VPS35L: variants seen among roughly 807,000 people sequenced by gnomAD.
The protein encoded by VPS35L is VPS35 endosomal protein-sorting factor-like.
In VPS35L, 83 loss-of-function variants were observed where a neutral mutation model predicts 133.0. The observed-to-expected ratio is 0.62, with a 90% CI of 0.52 to 0.75. The LOEUF is 0.75. Among genes scored for constraint, VPS35L ranks in the 30% least tolerant of loss-of-function variants. The pLI, the probability that VPS35L is intolerant of heterozygous loss-of-function variation, is 0.00. For missense variants in VPS35L, 1,083 were observed against 1,206.8 expected (o/e 0.90, Z 1.52); for synonymous variants, 423 against 449.9 (o/e 0.94, Z 0.76).
chr16:19,625,392 C>T lies in VPS35L; in HGVS notation c.1225-785C>T, dbSNP rs139329239. Reference sequence around the variant, plus strand: ...TGTTTGTTGCTGATATTACTAAGTGCACCTTGGGCACCTCTTAAAATGGGG... The same window carrying T: ...TGTTTGTTGCTGATATTACTAAGTGTACCTTGGGCACCTCTTAAAATGGGG... On this transcript the variant is annotated intron_variant, in intron 14 of 30. Transcript: ENST00000417362. 4.3e-3 allele frequency among the ~76,000 whole-genome samples: 662 copies of T among 152,260 alleles called. 5 individuals are homozygous for T. Among genetic ancestry groups the T allele is most frequent in the African/African-American group, 0.014 (567 of 41,556 alleles).
chr16:19,571,767 A>G (rs993074145), intron 3 of VPS35L, among the ~76,000 whole-genome samples: 4 of 150,304 alleles, frequency 2.7e-5, no homozygotes, highest in African/African-American at 9.8e-5. Flanking sequence ...CTGGTCTCGA[A>G]CTCCTAACCT....
At chr16:19,666,976 C>CTTTCTTCCTTTCTTCCTTTCT (rs1974711092) in intron 26 of VPS35L, among the ~76,000 whole-genome samples, 1 of 133,556 alleles carries the variant, frequency 7.5e-6, no homozygotes, top group Admixed American at 7.5e-5. Flanking sequence ...TCCTTTCTTC[C>CTTTCTTCCTTTCTTCCTTTCT]TTTCTTTCTT....
At chr16:19,581,740 C>A in intron 7 of VPS35L, 87 bp downstream of exon 7, 1 of 1,463,582 alleles carries the variant, frequency 6.8e-7, no homozygotes, top group South Asian at 1.2e-5. Flanking sequence ...GGCCTACCTG[C>A]AGGGTCTTAC....
At chr16:19,674,004 C>G (rs532467224) in intron 27 of VPS35L, among the ~76,000 whole-genome samples, 1 of 152,098 alleles carries the variant, frequency 6.6e-6, no homozygotes, top group South Asian at 2.1e-4. Flanking sequence ...TTGTGGGACG[C>G]GGCATTAGTA....
In VPS35L at chr16:19,669,282, A is replaced by T; in HGVS notation, c.2344A>T (p.Thr782Ser). 6.2e-7 allele frequency: 1 copy of T among 1,611,438 alleles called. No homozygotes were observed. The highest frequency in any genetic ancestry group is 1.7e-4 in the Middle Eastern group (1 of 6,050). ...GGAATTCCTCTGCAATTTCTTTTCT[A>T]CTTTATTAATAGTTCCGGTACGTTT... is the stretch of plus-strand genomic sequence containing the variant. ...LLEFLCNFFS[T>S]LLIVPDHPEH... Residue 782 changes from threonine to serine, a missense_variant, in exon 27 of 31, where the codon ACT (threonine) becomes TCT (serine). By Grantham distance (58) the Thr-to-Ser change is moderately conservative. Coordinates refer to ENST00000417362, the MANE Select transcript of VPS35L (RefSeq NM_020314.7).
chr16:19,697,135 C>T (rs1975941083), intron 29 of VPS35L, among the ~76,000 whole-genome samples: 1 of 152,228 alleles, frequency 6.6e-6, no homozygotes, highest in Non-Finnish European at 1.5e-5. Flanking sequence ...GCGCTTTTCT[C>T]TTGTAGCCCG....
At chr16:19,616,537 T>A in intron 13 of VPS35L, 149 bp from the exon 14 acceptor site, 2 of 1,128,856 alleles carry the variant, frequency 1.8e-6, no homozygotes, top group Non-Finnish European at 2.4e-6. Context: ...TTTTTTTGGT[T>A]TAAAAAAAAA....
At chr16:19,666,476 C>A (rs748232657) in intron 26 of VPS35L, among the ~76,000 whole-genome samples, 2 of 152,118 alleles carry the variant, frequency 1.3e-5, no homozygotes, top group Non-Finnish European at 2.9e-5. Flanking sequence ...AGTCTCCAGA[C>A]AATATTTTCT....
chr16:19,567,874 G>T (rs760929819), intron 2 of VPS35L, among the ~76,000 whole-genome samples: 6 of 151,888 alleles, frequency 4.0e-5, no homozygotes, highest in Non-Finnish European at 8.8e-5. Context: ...GGAGACGGAG[G>T]CAGGAAGATT....
At position 19,636,548 on chromosome 16, in the gene VPS35L, G is replaced by A. The variant is rs1456668676; in HGVS notation, c.1636-1046G>A. ...GTGTCTTACAATGGTATGCCTTGGA[G>A]CATTGTTTATGATGAAGTTTTGAAG... On this transcript the variant is annotated intron_variant, in intron 19 of 30. Transcript: ENST00000417362. 2.6e-5 allele frequency among the ~76,000 whole-genome samples: 4 copies of A among 152,306 alleles called. No individual in the cohort carries two copies. The South Asian group carries it at 6.2e-4, about 24-fold the overall frequency.
Position 19,633,133 on chromosome 16 carries a change from C to T in VPS35L, c.1596C>T (p.His532=). ...CCGTTTTGGCAGATGTCATCAAGCACATGACTCCAGATCGTGCATTTGAAG... is the reference window on the plus strand; with the variant it reads ...CCGTTTTGGCAGATGTCATCAAGCATATGACTCCAGATCGTGCATTTGAAG... The part of the protein sequence containing the change: ...VNTVLADVIK[H]MTPDRAFEDS... Residue 532 remains histidine (H), a synonymous_variant, in exon 19 of 31, where the codon CAC becomes CAT. Coordinates refer to ENST00000417362, the MANE Select transcript of VPS35L (RefSeq NM_020314.7). This position sits in a 1 kb window ranked among gnomAD's most constrained non-coding sequence, Gnocchi z 4.1. The T allele has an allele frequency of 1.1e-5, 18 of 1,614,228 alleles. No individual in the cohort carries two copies. The highest frequency in any genetic ancestry group is 1.4e-5 in the Non-Finnish European group (17 of 1,180,046).
chr16:19,567,083 G>A (rs1436800641), intron 2 of VPS35L, among the ~76,000 whole-genome samples: 2 of 152,150 alleles, frequency 1.3e-5, no homozygotes, highest in Admixed American at 1.3e-4. Context: ...CCAAAACTTG[G>A]TGATTGGCAC....
At position 19,608,338 on chromosome 16, in the gene VPS35L, A is replaced by G. The variant is rs1972601483; in HGVS notation, c.881+64A>G. The G allele has an allele frequency of 4.9e-6, 6 of 1,235,684 alleles. No individual in the cohort carries two copies. The East Asian group carries it at 9.3e-5, about 19-fold the overall frequency. 76.5% of individuals were successfully genotyped at this position (1,235,684 alleles called of 1,614,324 possible). On this transcript the variant is annotated intron_variant, in intron 10 of 30. Coordinates refer to ENST00000417362, the MANE Select transcript of VPS35L (RefSeq NM_020314.7). The stretch of plus-strand genomic sequence containing the variant: ...ATAGGCTAAAAGAATTGTACTGTTA[A>G]TAGAAGCCATGTGATGGGATGCCCT...
At chr16:19,663,552 T>G (rs1460231558) in intron 26 of VPS35L, among the ~76,000 whole-genome samples, 1 of 144,468 alleles carries the variant, frequency 6.9e-6, no homozygotes, top group Non-Finnish European at 1.5e-5. Context: ...CCCCCGATTT[T>G]TTGTATGTAA....
chr16:19,691,757 C>T (rs537513424), intron 29 of VPS35L, among the ~76,000 whole-genome samples: 2 of 152,258 alleles, frequency 1.3e-5, no homozygotes, highest in South Asian at 4.1e-4. Context: ...CCACCACCAC[C>T]TGCATGCCTC....
At chr16:19,643,643 G>A (rs990869458) in intron 22 of VPS35L, among the ~76,000 whole-genome samples, 10 of 152,134 alleles carry the variant, frequency 6.6e-5, no homozygotes, top group Non-Finnish European at 8.8e-5. Flanking sequence ...GCTAGGGAAT[G>A]TTGTTCTAAG....
At chr16:19,668,586 A>G (rs1197654994) in intron 26 of VPS35L, among the ~76,000 whole-genome samples, 1 of 127,802 alleles carries the variant, frequency 7.8e-6, no homozygotes, top group Admixed American at 7.9e-5. Context: ...GAAGCCTTTA[A>G]GCTGAGTGTG....
chr16:19,615,979 A>C (rs1338047513), intron 12 of VPS35L, 135 bp from the exon 13 acceptor site: 11 of 336,158 alleles, frequency 3.3e-5, no homozygotes, highest in Non-Finnish European at 5.0e-5. Context: ...AATAATAATA[A>C]TAATAATAAT....
chr16:19,582,140 A>T (rs191206722), intron 7 of VPS35L: 2 of 152,914 alleles, frequency 1.3e-5, no homozygotes, highest in African/African-American at 4.8e-5. Context: ...AGGTACATAC[A>T]TTGAATCTTC....
Sources: allele counts gnomAD v4.1 joint callset (sites outside exome capture counted in the v4.1 genomes callset), GRCh38; gene constraint gnomAD v4.1.1; non-coding constraint Gnocchi (gnomAD v3.1); transcripts MANE v1.5; gene names NCBI Gene and HGNC (gene_info 2026-07-23, HGNC 2026-07-21).